Variants in GPM6A observed in about 807,000 individuals in gnomAD.
GPM6A encodes the protein glycoprotein M6A, also known as neuronal membrane glycoprotein M6-a.
In GPM6A, 7 loss-of-function variants were observed where a neutral mutation model predicts 32.1. That is an observed-to-expected ratio of 0.22 (90% CI 0.12 to 0.41). GPM6A has a LOEUF of 0.41. GPM6A is among the 10% of genes least tolerant of loss of function. The pLI, the probability that GPM6A is intolerant of heterozygous loss-of-function variation, is 1.00. For missense variants in GPM6A, 235 were observed against 347.2 expected (o/e 0.68, Z 2.57); for synonymous variants, 130 against 123.4 (o/e 1.05, Z -0.35).
At chr4:175,839,688 GT>G (rs1170969171) in intron 1 of GPM6A, among the ~76,000 whole-genome samples, 1 of 152,046 alleles carries the variant, frequency 6.6e-6, no homozygotes, top group Non-Finnish European at 1.5e-5. Flanking sequence ...CATTTTCACT[GT>G]GGGAATAGAC....
chr4:175,812,539 G>T, upstream of GPM6A: 1 of 1,068,026 alleles, frequency 9.4e-7, no homozygotes, highest in African/African-American at 1.7e-5. Flanking sequence ...AATAGCCTGA[G>T]AATTTTGGGG....
At chr4:175,915,380 G>A (rs7667850) in intron 1 of GPM6A, among the ~76,000 whole-genome samples, 145,358 of 151,696 alleles carry the variant, frequency 0.96, 69,955 homozygotes, top group East Asian at 1. Context: ...TCTGCCTCCC[G>A]TGTTCAAGCA....
chr4:175,876,967 G>C (rs1737102186), intron 1 of GPM6A, among the ~76,000 whole-genome samples: 1 of 152,182 alleles, frequency 6.6e-6, no homozygotes, highest in Admixed American at 6.5e-5. Context: ...CATAAACAGA[G>C]TGTGCCTCAA....
intron 1 of GPM6A, among the ~76,000 whole-genome samples, chr4:175,875,677 T>C (rs1449972670): frequency 6.6e-6 from 1 of 152,196 alleles, no homozygotes; most frequent in Non-Finnish European, 1.5e-5. Flanking sequence ...TACCATCTCA[T>C]ATGCCAACTA....
intron 1 of GPM6A, among the ~76,000 whole-genome samples, chr4:175,919,183 T>C (rs957910626): frequency 3.9e-5 from 6 of 152,282 alleles, no homozygotes; most frequent in Non-Finnish European, 8.8e-5. Flanking sequence ...ACCCTTCTCA[T>C]GATTTTTCTT....
chr4:175,826,059 T>C (rs942451311), intron 1 of GPM6A, among the ~76,000 whole-genome samples: 1 of 149,306 alleles, frequency 6.7e-6, no homozygotes, highest in Non-Finnish European at 1.5e-5. Context: ...TCCCAGTTAC[T>C]TGGGGGACTG....
chr4:175,672,101 T>A (rs991009556), intron 3 of GPM6A, among the ~76,000 whole-genome samples: 2 of 152,240 alleles, frequency 1.3e-5, no homozygotes, highest in Non-Finnish European at 2.9e-5. Context: ...TCTCTCTCTA[T>A]ATATAGATAT....
At chr4:175,671,998 G>A (rs6819859) in intron 3 of GPM6A, among the ~76,000 whole-genome samples, 29,843 of 144,256 alleles carry the variant, frequency 0.21, 3,524 homozygotes, top group Non-Finnish European at 0.27. Flanking sequence ...AAAAAAAAAA[G>A]AAAGAAAGAA....
chr4:175,834,892 T>C (rs1056673110), intron 1 of GPM6A, among the ~76,000 whole-genome samples: 6 of 152,194 alleles, frequency 3.9e-5, no homozygotes, highest in African/African-American at 1.4e-4. Flanking sequence ...TTTTCATCCC[T>C]GGTATTTACA....
At chr4:175,855,242 A>C (rs1736382133) in intron 1 of GPM6A, among the ~76,000 whole-genome samples, 2 of 152,224 alleles carry the variant, frequency 1.3e-5, no homozygotes, top group Non-Finnish European at 1.5e-5. Flanking sequence ...ACAGAACCAG[A>C]TCTCAACTAA....
At chr4:175,744,428 C>T (rs749060362) in intron 1 of GPM6A, among the ~76,000 whole-genome samples, 5 of 151,776 alleles carry the variant, frequency 3.3e-5, no homozygotes, top group Non-Finnish European at 5.9e-5. Context: ...AGTCGATGAT[C>T]TAAGCATCCA....
chr4:175,872,363 C>T (rs1409379174), intron 1 of GPM6A, among the ~76,000 whole-genome samples: 6 of 152,212 alleles, frequency 3.9e-5, no homozygotes, highest in African/African-American at 1.4e-4. Context: ...CCTAAAATTG[C>T]TTCCAGGGCT....
chr4:175,768,906 G>A (rs950008842), intron 1 of GPM6A, among the ~76,000 whole-genome samples: 6 of 152,040 alleles, frequency 3.9e-5, no homozygotes, highest in Non-Finnish European at 8.8e-5. Context: ...GACCAGCCTG[G>A]CCAACAAGGT....
At chr4:175,764,708 C>T (rs1300243480) in intron 1 of GPM6A, among the ~76,000 whole-genome samples, 1 of 151,986 alleles carries the variant, frequency 6.6e-6, no homozygotes, top group Non-Finnish European at 1.5e-5. Flanking sequence ...CAACTACCTC[C>T]TTGACATATT....
intron 1 of GPM6A, among the ~76,000 whole-genome samples, chr4:175,952,439 TAACA>T (rs1475670411): frequency 2.6e-5 from 4 of 152,192 alleles, no homozygotes; most frequent in African/African-American, 9.7e-5. Context: ...GCAATGGAAT[TAACA>T]TATTATTCAG....
chr4:175,681,443 C>G (rs1337041649), intron 2 of GPM6A, among the ~76,000 whole-genome samples: 3 of 152,088 alleles, frequency 2.0e-5, no homozygotes, highest in Admixed American at 2.0e-4. Context: ...TTGTGGTCCT[C>G]TCTGCACCCC....
chr4:175,637,875 T>C (rs1482618992), intron 6 of GPM6A, among the ~76,000 whole-genome samples: 1 of 120,816 alleles, frequency 8.3e-6, no homozygotes, highest in South Asian at 2.2e-4. Context: ...TTATATATAA[T>C]ATTTATATAT....
At chr4:175,846,033 G>T (rs1736075904) in intron 1 of GPM6A, among the ~76,000 whole-genome samples, 1 of 151,840 alleles carries the variant, frequency 6.6e-6, no homozygotes, top group Non-Finnish European at 1.5e-5. Flanking sequence ...CCAAATATTA[G>T]TCACCCTCAA....
chr4:175,695,833 C>T (rs1744549095), intron 2 of GPM6A, among the ~76,000 whole-genome samples: 2 of 152,176 alleles, frequency 1.3e-5, no homozygotes, highest in African/African-American at 2.4e-5. Flanking sequence ...TGGATCTGGT[C>T]CCCACTCAAA....
Sources: gnomAD v4.1 joint callset for allele counts (sites outside exome capture counted in the v4.1 genomes callset) on GRCh38, gnomAD v4.1.1 for gene constraint, MANE v1.5 for transcripts, NCBI Gene and HGNC (gene_info 2026-07-23, HGNC 2026-07-21) for gene names.